PRKN: variants seen among roughly 807,000 people sequenced by gnomAD.
PRKN encodes the protein E3 ubiquitin-protein ligase parkin.
In PRKN, 56 loss-of-function variants were observed where a neutral mutation model predicts 59.5. That is an observed-to-expected ratio of 0.94 (90% confidence interval 0.76 to 1.18). The LOEUF is 1.18. Ranked by LOEUF, PRKN falls within the 50% of genes most tolerant of loss-of-function variation. The pLI is 0.00. For synonymous variants in PRKN, 250 were observed against 222.1 expected (o/e 1.13, Z -1.12); for missense variants, 657 against 596.4 (o/e 1.10, Z -1.06).
At chr6:161,758,479 T>A (rs1789046810) in intron 7 of PRKN, among the ~76,000 whole-genome samples, 1 of 152,020 alleles carries the variant, frequency 6.6e-6, no homozygotes, top group Non-Finnish European at 1.5e-5. Context: ...AAAAAGAGAG[T>A]ACATACTCTA....
chr6:161,724,634 A>C (rs1787364537), intron 7 of PRKN, among the ~76,000 whole-genome samples: 1 of 152,196 alleles, frequency 6.6e-6, no homozygotes, highest in Non-Finnish European at 1.5e-5. Flanking sequence ...TCTGTACTAA[A>C]ATGCTACATT....
Position 161,463,292 on chromosome 6 carries a change from C to G in PRKN, c.1084-76415G>C, listed in dbSNP as rs1326691578. Among the ~76,000 whole-genome samples the G allele has an allele frequency of 1.3e-5, 2 of 152,174 alleles. No individual in the cohort carries two copies. Among genetic ancestry groups the G allele is most frequent in the Non-Finnish European group, 2.9e-5 (2 of 68,024 alleles). On this transcript the variant is annotated intron_variant, in intron 9 of 11. Coordinates refer to ENST00000366898, the MANE Select transcript of PRKN (RefSeq NM_004562.3). The surrounding 1 kb of genome is among the most constrained non-coding windows in gnomAD (Gnocchi z 4.8). ...CCTCCTCCCTTGTTACCAAGGATGCCAAAACTTTCCCAGCTTTCAGAATGA... is the reference window on the plus strand; with the variant it reads ...CCTCCTCCCTTGTTACCAAGGATGCGAAAACTTTCCCAGCTTTCAGAATGA...
intron 2 of PRKN, among the ~76,000 whole-genome samples, chr6:162,326,450 G>T (rs1398110127): frequency 6.6e-6 from 1 of 152,052 alleles, no homozygotes; most frequent in Non-Finnish European, 1.5e-5. Context: ...TTTAATATTT[G>T]CACAATATTA....
intron 7 of PRKN, among the ~76,000 whole-genome samples, chr6:161,664,200 C>T (rs11758398): frequency 0.013 from 1,973 of 152,202 alleles, 19 homozygotes; most frequent in Non-Finnish European, 0.02. Context: ...GTGAGGAGTC[C>T]GCCAGAAATG....
At chr6:161,918,909 C>T (rs1186448826) in intron 6 of PRKN, among the ~76,000 whole-genome samples, 4 of 152,056 alleles carry the variant, frequency 2.6e-5, no homozygotes, top group Non-Finnish European at 5.9e-5. Context: ...AACCAACACC[C>T]CCGCTCCCCA....
intron 1 of PRKN, among the ~76,000 whole-genome samples, chr6:162,530,906 A>G (rs1778483505): frequency 6.6e-6 from 1 of 151,282 alleles, no homozygotes; most frequent in African/African-American, 2.4e-5. Flanking sequence ...AAATACAAAT[A>G]ATTAGCAGGG....
chr6:161,854,978 G>A (rs1793589172), intron 6 of PRKN, among the ~76,000 whole-genome samples: 1 of 151,122 alleles, frequency 6.6e-6, no homozygotes, highest in Non-Finnish European at 1.5e-5. Context: ...AGCTACTGAG[G>A]AGGCTGAGGC....
intron 3 of PRKN, among the ~76,000 whole-genome samples, chr6:162,255,580 C>T (rs1037808263): frequency 1.3e-5 from 2 of 152,154 alleles, no homozygotes; most frequent in African/African-American, 4.8e-5. Flanking sequence ...ATTGCTGCTG[C>T]TGGCCCACAG....
chr6:161,450,703 C>A (rs1255191473), intron 9 of PRKN, among the ~76,000 whole-genome samples: 2 of 151,984 alleles, frequency 1.3e-5, no homozygotes, highest in Non-Finnish European at 2.9e-5. Context: ...ACTACAGGTG[C>A]CCGCCACCAC....
rs370593490 is a variant in PRKN at position 161,877,626 on chromosome 6, AT to A, written c.735-91719del. 8.6e-3 allele frequency among the ~76,000 whole-genome samples: 1,288 copies of A among 148,946 alleles called. 15 individuals are homozygous for A. The highest frequency in any genetic ancestry group is 0.03 in the African/African-American group (1,198 of 40,576). On this transcript the variant is annotated intron_variant, in intron 6 of 11. Coordinates refer to ENST00000366898, the MANE Select transcript of PRKN (RefSeq NM_004562.3). The stretch of plus-strand genomic sequence containing the variant: ...AGGTGCCCGCCACCAAGCCTGGCTA[AT>A]TTTTTTTTTCTTTTGTATTTTTAGT...
intron 2 of PRKN, among the ~76,000 whole-genome samples, chr6:162,338,229 T>C (rs962355628): frequency 6.6e-6 from 1 of 152,028 alleles, no homozygotes; most frequent in African/African-American, 2.4e-5. Context: ...AAAGAAGTAG[T>C]CTCTGAAAAA....
At chr6:162,250,415 A>C (rs550561364) in intron 3 of PRKN, among the ~76,000 whole-genome samples, 6 of 152,242 alleles carry the variant, frequency 3.9e-5, no homozygotes, top group South Asian at 2.1e-4. Flanking sequence ...CCATTTATTT[A>C]TCTCTCTCAC....
intron 5 of PRKN, among the ~76,000 whole-genome samples, chr6:162,036,261 T>C (rs1250755138): frequency 1.3e-5 from 2 of 151,212 alleles, no homozygotes; most frequent in African/African-American, 4.9e-5. Flanking sequence ...GAGGCGGAGC[T>C]TGCAGTGAGC....
chr6:161,957,615 A>T (rs899831052), intron 6 of PRKN, among the ~76,000 whole-genome samples: 1 of 151,948 alleles, frequency 6.6e-6, no homozygotes, highest in Non-Finnish European at 1.5e-5. Context: ...AGTAGAGACG[A>T]GGTTTCACCA....
intron 2 of PRKN, among the ~76,000 whole-genome samples, chr6:162,390,375 G>GTATATATATATA (rs369827763): frequency 2.2e-4 from 22 of 98,798 alleles, no homozygotes; most frequent in African/African-American, 9.5e-4. Context: ...TACTGCTAAG[G>GTATATATATATA]TATATATATA....
Position 161,561,881 on chromosome 6 carries a change from A to G in PRKN, c.933+7474T>C, listed in dbSNP as rs1394211938. Among the ~76,000 whole-genome samples the G allele has an allele frequency of 6.6e-6, 1 of 152,128 alleles. No homozygotes were observed. The stretch of plus-strand genomic sequence containing the variant: ...TCCCCTTCTGTTCACTCTTCATCCC[A>G]TAAAACTCTGGCTCCTGTCTTTACG... On this transcript the variant is annotated intron_variant, in intron 8 of 11. Transcript: ENST00000366898. The surrounding 1 kb of genome is among the most constrained non-coding windows in gnomAD (Gnocchi z 5.0).
chr6:161,409,704 C>T lies in PRKN; in HGVS notation c.1084-22827G>A, dbSNP rs1787435543. On this transcript the variant is annotated intron_variant, in intron 9 of 11. Transcript: ENST00000366898. This position sits in a 1 kb window ranked among gnomAD's most constrained non-coding sequence, Gnocchi z 4.6. ...GAATTTAAGACCCAATTTGAGGTCA[C>T]GTGCTGCAAACCCAGTGTTCTTTCA... 1.3e-5 allele frequency among the ~76,000 whole-genome samples: 2 copies of T among 152,154 alleles called. No homozygotes were observed. Among genetic ancestry groups the T allele is most frequent in the South Asian group, 2.1e-4 (1 of 4,830 alleles).
chr6:161,943,953 T>C (rs113050823), intron 6 of PRKN, among the ~76,000 whole-genome samples: 1 of 71,680 alleles, frequency 1.4e-5, no homozygotes, highest in Admixed American at 1.3e-4. Context: ...GCCTGAGGGA[T>C]CAGCCTTGAG....
intron 7 of PRKN, among the ~76,000 whole-genome samples, chr6:161,698,094 T>C (rs753901017): frequency 7.2e-5 from 11 of 152,234 alleles, no homozygotes; most frequent in Non-Finnish European, 1.5e-4. Flanking sequence ...TGAGACTAAT[T>C]AAATTAAATT....
Sources: gnomAD v4.1 joint callset for allele counts (sites outside exome capture counted in the v4.1 genomes callset) on GRCh38, gnomAD v4.1.1 for gene constraint, Gnocchi (gnomAD v3.1) non-coding constraint, MANE v1.5 for transcripts, NCBI Gene and HGNC (gene_info 2026-07-23, HGNC 2026-07-21) for gene names.